The following INO80 variants were observed in gnomAD, a reference collection of about 807,000 sequenced individuals.
INO80 encodes INO80 complex ATPase subunit, also known as chromatin-remodeling ATPase INO80.
INO80 carries 20 observed loss-of-function variants against 203.4 expected under a neutral mutation model. That is an observed-to-expected ratio of 0.10 (90% CI 0.07 to 0.14). The LOEUF is 0.14. Among genes scored for constraint, INO80 ranks in the 10% least tolerant of loss-of-function variants. The pLI, the probability that INO80 is intolerant of heterozygous loss-of-function variation, is 1.00. For synonymous variants in INO80, 726 were observed against 685.2 expected (o/e 1.06, Z -0.93); for missense variants, 1,419 against 1,914.4 (o/e 0.74, Z 4.83).
chr15:41,073,074 C>T (rs919489178), intron 11 of INO80, among the ~76,000 whole-genome samples: 1 of 151,918 alleles, frequency 6.6e-6, no homozygotes, highest in African/African-American at 2.4e-5. Flanking sequence ...CCACCACGCC[C>T]GGTGAGTATG....
Position 41,072,067 on chromosome 15 carries a change from TAAAA to T in INO80, c.1396-13_1396-10del. Reference sequence around the variant, plus strand: ...TCATCAAATGACCTTGTCTGGAAAGTAAAAAAAAAAAAAATTAGAAAAAAAAAAA... The same window carrying T: ...TCATCAAATGACCTTGTCTGGAAAGTAAAAAAAAAATTAGAAAAAAAAAAA... On this transcript the variant is annotated splice_polypyrimidine_tract_variant and intron_variant, in intron 11 of 35. Transcript: ENST00000648947. 2.2e-5 allele frequency: 26 copies of T among 1,159,788 alleles called. No individual in the cohort carries two copies. The highest frequency in any genetic ancestry group is 7.3e-5 in the Admixed American group (2 of 27,276). The allele number at this position is 1,159,788 out of a possible 1,614,324, so 71.8% of individuals were successfully genotyped here.
chr15:40,983,165 G>T, intron 34 of INO80, 88 bp from the exon 35 acceptor site: 1 of 1,117,856 alleles, frequency 8.9e-7, no homozygotes, highest in Non-Finnish European at 1.3e-6. Context: ...GACAGGGAAA[G>T]CGAGCTCTTA....
intron 21 of INO80, 136 bp from the exon 22 acceptor site, chr15:41,048,412 A>T (rs1214912478): frequency 1.2e-5 from 8 of 640,848 alleles, no homozygotes; most frequent in Non-Finnish European, 2.2e-5. Flanking sequence ...TTGCCATATT[A>T]CCAGGCAAAA....
At chr15:40,990,060 G>A (rs1348475358) in intron 29 of INO80, among the ~76,000 whole-genome samples, 1 of 151,614 alleles carries the variant, frequency 6.6e-6, no homozygotes, top group Non-Finnish European at 1.5e-5. Flanking sequence ...GCTAAAATTT[G>A]TTGGGTACTT....
intron 35 of INO80, among the ~76,000 whole-genome samples, chr15:40,981,452 C>T (rs1029923425): frequency 5.9e-5 from 9 of 151,660 alleles, no homozygotes; most frequent in East Asian, 5.8e-4. Flanking sequence ...AAACACTGGG[C>T]GAGGCTATTA....
At chr15:41,007,555 GTTTATATA>G (rs983033356) in intron 27 of INO80, among the ~76,000 whole-genome samples, 4 of 151,790 alleles carry the variant, frequency 2.6e-5, no homozygotes, top group African/African-American at 9.7e-5. Flanking sequence ...AAATTTTGCT[GTTTATATA>G]TTTATATATC....
At chr15:41,073,842 A>C (rs1455808050) in intron 10 of INO80, among the ~76,000 whole-genome samples, 1 of 152,214 alleles carries the variant, frequency 6.6e-6, no homozygotes, top group Non-Finnish European at 1.5e-5. Flanking sequence ...CTATTTTAAC[A>C]GGAGAAATAC....
At chr15:41,063,319 A>G (rs1422506688) in intron 14 of INO80, among the ~76,000 whole-genome samples, 1 of 151,798 alleles carries the variant, frequency 6.6e-6, no homozygotes, top group Non-Finnish European at 1.5e-5. Flanking sequence ...CCTGGGCCAC[A>G]GAGCCAGACT....
chr15:41,054,009 G>A lies in INO80; in HGVS notation c.2194C>T (p.Leu732Phe). ...ENKSAIDENQ[L>F]SRLHMILKPF... ...TTCAAAATCATGTGTAAGCGAGAAA[G>A]TTGATCTGAAATGCCGGGAGGCCCC... Residue 732 changes from leucine to phenylalanine, a missense_variant, in exon 19 of 36, where the codon CTT (leucine) becomes TTT (phenylalanine). Physicochemically the swap from Leu to Phe is conservative, Grantham distance 22. This residue lies in a region of INO80 where 192 missense variants were observed against 406.7 expected (regional missense o/e 0.47). Coordinates refer to ENST00000648947, the MANE Select transcript of INO80 (RefSeq NM_017553.3). 1 of 1,613,472 alleles carries A rather than the reference G, an allele frequency of 6.2e-7. No homozygotes were observed. Among genetic ancestry groups the A allele is most frequent in the Non-Finnish European group, 8.5e-7 (1 of 1,179,656 alleles).
chr15:41,081,998 CCAG>C (rs2045491242), intron 7 of INO80, among the ~76,000 whole-genome samples: 1 of 152,050 alleles, frequency 6.6e-6, no homozygotes, highest in African/African-American at 2.4e-5. Context: ...GCCTGTAATC[CCAG>C]CACTTTGGGA....
intron 29 of INO80, among the ~76,000 whole-genome samples, chr15:40,992,642 A>G (rs1487251395): frequency 6.6e-6 from 1 of 152,180 alleles, no homozygotes; most frequent in Non-Finnish European, 1.5e-5. Context: ...CAACACACAC[A>G]CAGTATATCC....
intron 9 of INO80, among the ~76,000 whole-genome samples, chr15:41,077,557 GAAAA>G (rs2045424603): frequency 6.6e-6 from 1 of 152,076 alleles, no homozygotes; most frequent in Middle Eastern, 3.2e-3. Flanking sequence ...GTGCTATCAA[GAAAA>G]TCTTTGTTTT....
At chr15:40,988,045 A>AT in intron 29 of INO80, 71 bp from the exon 30 acceptor site, 1 of 1,378,454 alleles carries the variant, frequency 7.3e-7, no homozygotes, top group Non-Finnish European at 1.0e-6. Flanking sequence ...AACCCAGCCA[A>AT]TTGTCTGTTT....
intron 27 of INO80, among the ~76,000 whole-genome samples, chr15:41,010,942 TAC>T (rs2044126276): frequency 6.6e-6 from 1 of 152,190 alleles, no homozygotes; most frequent in African/African-American, 2.4e-5. Flanking sequence ...GCTACTCTAT[TAC>T]AATTTTTCTG....
rs1309405140 is a variant in INO80 at position 41,096,221 on chromosome 15, C to T, written c.90G>A (p.Arg30=). ...ACGTTTGTCGCAGAAAATGGTCCAACCGGAGGGCCCTCTCCAAGTACTGAA... is the reference window on the plus strand; with the variant it reads ...ACGTTTGTCGCAGAAAATGGTCCAATCGGAGGGCCCTCTCCAAGTACTGAA... ...LYLQYLERAL[R]LDHFLRQTSA... The change falls in exon 2 of 36, where the codon CGG becomes CGA. Residue 30 remains arginine, a synonymous_variant. Transcript: ENST00000648947. 2 of 1,613,368 alleles carry T rather than the reference C, an allele frequency of 1.2e-6. No individual in the cohort carries two copies. The highest frequency in any genetic ancestry group is 3.4e-5 in the Admixed American group (2 of 59,696).
intron 24 of INO80, among the ~76,000 whole-genome samples, chr15:41,035,490 C>G (rs1056212135): frequency 1.3e-5 from 2 of 151,178 alleles, no homozygotes; most frequent in Non-Finnish European, 2.9e-5. Context: ...TATACCACTA[C>G]GCTCTTGCCT....
At chr15:41,052,940 G>A (rs955483218) in intron 19 of INO80, among the ~76,000 whole-genome samples, 1 of 152,022 alleles carries the variant, frequency 6.6e-6, no homozygotes, top group Non-Finnish European at 1.5e-5. Context: ...GGCTGACAGG[G>A]GAGGATCACT....
At chr15:40,993,490 G>C (rs1361381999) in intron 29 of INO80, among the ~76,000 whole-genome samples, 1 of 152,170 alleles carries the variant, frequency 6.6e-6, no homozygotes, top group Non-Finnish European at 1.5e-5. Context: ...AGGAGTGGTG[G>C]CTCACGCCTG....
chr15:40,986,634 T>C (rs1479645009), intron 31 of INO80, among the ~76,000 whole-genome samples: 1 of 151,796 alleles, frequency 6.6e-6, no homozygotes, highest in African/African-American at 2.4e-5. Context: ...TGTTTTTGTT[T>C]GTTTTTAAAA....
Sources: gnomAD v4.1 joint callset for allele counts (sites outside exome capture counted in the v4.1 genomes callset) on GRCh38, gnomAD v4.1.1 for gene constraint, gnomAD v4.1.1 regional missense constraint, MANE v1.5 for transcripts, NCBI Gene and HGNC (gene_info 2026-07-23, HGNC 2026-07-21) for gene names.